Variants in USP10 observed in about 807,000 individuals in gnomAD.
USP10 encodes the protein ubiquitin carboxyl-terminal hydrolase 10.
A neutral mutation model predicts 84.5 loss-of-function variants in USP10; 22 were observed. The ratio of observed to expected loss-of-function variants is 0.26; its 90% confidence interval spans 0.19 to 0.37. The LOEUF is 0.37. Among genes scored for constraint, USP10 ranks in the 10% least tolerant of loss-of-function variants. The probability of loss-of-function intolerance (pLI) is 1.00; values close to 1 mark genes in which losing one functional copy is unlikely to be tolerated. For synonymous variants in USP10, 454 were observed against 387.6 expected (o/e 1.17, Z -2.01); for missense variants, 1,019 against 998.9 (o/e 1.02, Z -0.27).
At chr16:84,717,968 G>A (rs1041291573) in intron 1 of USP10, among the ~76,000 whole-genome samples, 1 of 152,150 alleles carries the variant, frequency 6.6e-6, no homozygotes, top group Non-Finnish European at 1.5e-5. Flanking sequence ...TATTTGTGAT[G>A]GAAAGGGTAT....
intron 1 of USP10, among the ~76,000 whole-genome samples, chr16:84,721,477 A>T (rs1178301366): frequency 6.6e-6 from 1 of 152,248 alleles, no homozygotes; most frequent in Non-Finnish European, 1.5e-5. Context: ...AACCTTATTG[A>T]AGTATAATTT....
intron 2 of USP10, among the ~76,000 whole-genome samples, chr16:84,739,043 AC>A (rs1426281371): frequency 1.4e-5 from 2 of 147,256 alleles, no homozygotes; most frequent in Non-Finnish European, 3.0e-5. Flanking sequence ...TGCTTACCTT[AC>A]CCCTTTTCTT....
At chr16:84,724,161 C>G (rs1000767519) in intron 1 of USP10, among the ~76,000 whole-genome samples, 1 of 152,140 alleles carries the variant, frequency 6.6e-6, no homozygotes, top group Non-Finnish European at 1.5e-5. Context: ...CTATTTAGTA[C>G]TAGTTAAGAG....
At chr16:84,727,444 A>T (rs1908639618) in intron 1 of USP10, among the ~76,000 whole-genome samples, 1 of 150,904 alleles carries the variant, frequency 6.6e-6, no homozygotes, top group South Asian at 2.1e-4. Context: ...CACAATTTTC[A>T]GTGTTAGCTT....
At position 84,779,241 on chromosome 16, in the gene USP10, A is replaced by G. The variant is rs1009150989; in HGVS notation, c.*159A>G. ...GGAGATGCCTTGGGGTTCGTGCACA[A>G]CACAGCTTCTGTTGACTCTAACTTC... On this transcript the variant is annotated 3_prime_UTR_variant, in exon 14 of 14. Coordinates refer to ENST00000219473, the MANE Select transcript of USP10 (RefSeq NM_005153.3). The G allele has an allele frequency of 2.8e-6, 2 of 722,436 alleles. No homozygotes were observed. The highest frequency in any genetic ancestry group is 1.8e-5 in the African/African-American group (1 of 55,160). The allele number at this position is 722,436 out of a possible 1,614,324, so 44.8% of individuals were successfully genotyped here. A position where few individuals can be genotyped will look rare whatever the true frequency, so the allele number is the denominator to read the frequency against.
chr16:84,707,708 C>A (rs1390337644), intron 1 of USP10, among the ~76,000 whole-genome samples: 3 of 152,164 alleles, frequency 2.0e-5, no homozygotes, highest in Non-Finnish European at 4.4e-5. Flanking sequence ...TTATCAGGAT[C>A]CAGTGTGCAG....
At chr16:84,725,968 CACTGTGAGGCTTAGCTGTGCA>C (rs1443291425) in intron 1 of USP10, among the ~76,000 whole-genome samples, 1 of 152,154 alleles carries the variant, frequency 6.6e-6, no homozygotes, top group Non-Finnish European at 1.5e-5. Context: ...TACCATTTGC[CACTGTGAGGCTTAGCTGTGCA>C]TCTGTGAATG....
intron 1 of USP10, among the ~76,000 whole-genome samples, chr16:84,704,391 G>C (rs1905230079): frequency 6.6e-6 from 1 of 152,228 alleles, no homozygotes; most frequent in Admixed American, 6.5e-5. Context: ...GCACAAAACA[G>C]ATAAATCTGT....
intron 1 of USP10, among the ~76,000 whole-genome samples, chr16:84,728,519 T>TAA (rs1161070691): frequency 3.9e-5 from 6 of 152,104 alleles, no homozygotes; most frequent in Non-Finnish European, 8.8e-5. Flanking sequence ...TTTGTATTTT[T>TAA]AATAGAGACG....
intron 3 of USP10, among the ~76,000 whole-genome samples, chr16:84,743,329 G>C (rs527971990): frequency 6.6e-6 from 1 of 152,112 alleles, no homozygotes; most frequent in African/African-American, 2.4e-5. Flanking sequence ...CCCCACAGTC[G>C]GGGGCTGTGA....
chr16:84,764,332 A>G lies in USP10; in HGVS notation c.1832+69A>G, dbSNP rs980388489. 2.8e-5 allele frequency: 45 copies of G among 1,598,280 alleles called. No homozygotes were observed. In the African/African-American group the frequency reaches 5.4e-4, roughly 19 times the overall value. On this transcript the variant is annotated intron_variant, in intron 10 of 13. Transcript: ENST00000219473. ...GTTTTGCCATGTTGGTGAAGGGGGA[A>G]GGTGTGAGGCTTGTTTTGAGACTTC...
chr16:84,775,063 G>A (rs1567655626), intron 12 of USP10, 97 bp from the exon 13 acceptor site: 1 of 1,051,512 alleles, frequency 9.5e-7, no homozygotes, highest in Non-Finnish European at 1.5e-6. Flanking sequence ...CTGACAGGCA[G>A]TTTACTTGCT....
intron 1 of USP10, among the ~76,000 whole-genome samples, chr16:84,710,651 T>G (rs990763741): frequency 6.6e-6 from 1 of 152,242 alleles, no homozygotes; most frequent in Non-Finnish European, 1.5e-5. Context: ...CTTGTTACCT[T>G]ATTTTAAATG....
chr16:84,704,995 G>T, intron 1 of USP10: 3 of 1,296,122 alleles, frequency 2.3e-6, no homozygotes, highest in Admixed American at 4.1e-5. Flanking sequence ...TACCGTCTGC[G>T]CTGTAATGGT....
intron 13 of USP10, among the ~76,000 whole-genome samples, chr16:84,777,756 G>A (rs1290508434): frequency 6.6e-6 from 1 of 152,106 alleles, no homozygotes; most frequent in African/African-American, 2.4e-5. Context: ...TGACAACTGC[G>A]ACTAGAACCT....
chr16:84,754,196 C>G (rs901102460), intron 4 of USP10, among the ~76,000 whole-genome samples: 2 of 152,106 alleles, frequency 1.3e-5, no homozygotes, highest in African/African-American at 4.8e-5. Context: ...TGAGTGCCTT[C>G]TGTCGGTCTT....
chr16:84,756,564 G>C (rs1391451097), intron 4 of USP10, among the ~76,000 whole-genome samples: 1 of 152,196 alleles, frequency 6.6e-6, no homozygotes, highest in African/African-American at 2.4e-5. Flanking sequence ...CTGCACTCCA[G>C]CCTGGGTGAC....
chr16:84,730,576 G>T (rs1418558846), intron 1 of USP10, among the ~76,000 whole-genome samples: 1 of 152,192 alleles, frequency 6.6e-6, no homozygotes, highest in Non-Finnish European at 1.5e-5. Flanking sequence ...ACTTGAGGGT[G>T]TTTGCCGCTG....
At chr16:84,740,470 C>G (rs1910496563) in intron 3 of USP10, 101 bp downstream of exon 3, 1 of 981,144 alleles carries the variant, frequency 1.0e-6, no homozygotes, top group Non-Finnish European at 1.5e-6. Context: ...ATAAACATTT[C>G]TTTGTAGCTT....
Sources: gnomAD v4.1 joint callset for allele counts (sites outside exome capture counted in the v4.1 genomes callset) on GRCh38, gnomAD v4.1.1 for gene constraint, MANE v1.5 for transcripts, NCBI Gene and HGNC (gene_info 2026-07-23, HGNC 2026-07-21) for gene names.